PCDHGA4: variants seen among roughly 807,000 people sequenced by gnomAD.
The protein encoded by PCDHGA4 is protocadherin gamma subfamily A, 4, also known as protocadherin gamma-A4.
A neutral mutation model predicts 54.6 loss-of-function variants in PCDHGA4; 38 were observed. The observed-to-expected ratio is 0.70, with a 90% CI of 0.54 to 0.91. The LOEUF is 0.91. Ranked by LOEUF, PCDHGA4 falls within the 40% of genes least tolerant of loss-of-function variation. The pLI is 0.00. For missense variants in PCDHGA4, 1,298 were observed against 1,220.9 expected, an observed-to-expected ratio of 1.06 and a Z score of -0.94; for synonymous variants, 511 against 512.9, an observed-to-expected ratio of 1.00 and a Z score of 0.05.
At chr5:141,410,348 C>T (rs761119683) in intron 1 of PCDHGA4, 3 of 1,614,034 alleles carry the variant, frequency 1.9e-6, no homozygotes, top group East Asian at 2.2e-5. Context: ...CTTGCGCCTG[C>T]GACGCTCTCT....
At position 141,399,943 on chromosome 5, in the gene PCDHGA4, C is replaced by A. The variant is rs1334013330; in HGVS notation, c.2514+42322C>A. On this transcript the variant is annotated intron_variant, in intron 1 of 3. Coordinates refer to ENST00000571252, the MANE Select transcript of PCDHGA4 (RefSeq NM_018917.4). Reference sequence around the variant, plus strand: ...CGCCTGGCTGTCCTACCACGTGCTGCAGGCTAGCGAGCCCGGGCTCTTCAG... The same window carrying A: ...CGCCTGGCTGTCCTACCACGTGCTGAAGGCTAGCGAGCCCGGGCTCTTCAG... The A allele has an allele frequency of 3.7e-6, 6 of 1,612,294 alleles. 1 individual carries two copies. The Admixed American group carries it at 1.0e-4, about 27-fold the overall frequency.
intron 2 of PCDHGA4, among the ~76,000 whole-genome samples, chr5:141,497,171 C>T (rs991574648): frequency 6.6e-6 from 1 of 151,148 alleles, no homozygotes; most frequent in African/African-American, 2.5e-5. Context: ...CCACAAATCA[C>T]AGTAAGTTCT....
At chr5:141,393,515 T>C in intron 1 of PCDHGA4, 2 of 1,613,990 alleles carry the variant, frequency 1.2e-6, no homozygotes, top group Non-Finnish European at 1.7e-6. Context: ...CAGTGTTGGA[T>C]ACAAATGACA....
In PCDHGA4 at chr5:141,355,525, C is replaced by T. The variant is rs372880202; in HGVS notation, c.418C>T (p.Leu140Phe). The change falls in exon 1 of 4, where the codon CTT becomes TTT. Residue 140 changes from leucine (L) to phenylalanine (F), a missense_variant. Physicochemically the swap from Leu to Phe is conservative, Grantham distance 22. Transcript: ENST00000571252. ...AAACTGTGTGACAAACCTGGAGATT[C>T]TTCTAGAAGATACAGTGAAGATTTT... ...SPNCVTNLEI[L>F]LEDTVKILRV... 1 of 1,614,028 alleles carries T rather than the reference C, an allele frequency of 6.2e-7. No individual in the cohort carries two copies. Among genetic ancestry groups the T allele is most frequent in the Non-Finnish European group, 8.5e-7 (1 of 1,179,900 alleles).
intron 1 of PCDHGA4, chr5:141,391,283 A>G (rs2092334879): frequency 6.6e-6 from 1 of 152,120 alleles, no homozygotes; most frequent in African/African-American, 2.4e-5. Context: ...CAAATTGCTG[A>G]AAGAAGGAAA....
Position 141,356,162 on chromosome 5 carries a change from C to G in PCDHGA4, c.1055C>G (p.Ala352Gly). ...DSGFYDIDVEAHDGPGLRARS... is the reference protein window; with the variant it reads ...DSGFYDIDVEGHDGPGLRARS... The stretch of plus-strand genomic sequence containing the variant: ...GGATTCTATGACATAGATGTAGAAG[C>G]CCATGATGGGCCTGGTCTCCGAGCT... Residue 352 changes from alanine (A) to glycine (G), a missense_variant, in exon 1 of 4, where the codon GCC becomes GGC. By Grantham distance (60) the Ala-to-Gly change is moderately conservative. Coordinates refer to ENST00000571252, the MANE Select transcript of PCDHGA4 (RefSeq NM_018917.4). 6.2e-7 allele frequency: 1 copy of G among 1,613,176 alleles called. No homozygotes were observed. The highest frequency in any genetic ancestry group is 8.5e-7 in the Non-Finnish European group (1 of 1,179,498).
At chr5:141,427,092 G>T in intron 1 of PCDHGA4, 1 of 458,134 alleles carries the variant, frequency 2.2e-6, no homozygotes, top group Non-Finnish European at 4.4e-6. Flanking sequence ...CCAGGATGAG[G>T]GTGTCAATGC....
Position 141,491,324 on chromosome 5 carries a change from T to C in PCDHGA4, c.2515-3483T>C, listed in dbSNP as rs762200164. 16 of 1,614,060 alleles carry C rather than the reference T, an allele frequency of 9.9e-6. No homozygotes were observed. The highest frequency in any genetic ancestry group is 8.3e-5 in the Admixed American group (5 of 60,010). On this transcript the variant is annotated intron_variant, in intron 1 of 3. Transcript: ENST00000571252. This position sits in a 1 kb window ranked among gnomAD's most constrained non-coding sequence, Gnocchi z 6.9. ...CGTTCAGACCTTACCCTTTACCTCA[T>C]TGTGGCTCTAGCGACCGTCAGTCTC...
chr5:141,385,037 C>T, intron 1 of PCDHGA4: 1 of 1,614,148 alleles, frequency 6.2e-7, no homozygotes, highest in Non-Finnish European at 8.5e-7. Context: ...GTACTGCTGG[C>T]GCTCAGGCTG....
intron 2 of PCDHGA4, among the ~76,000 whole-genome samples, chr5:141,497,293 C>T (rs1270907262): frequency 6.6e-6 from 1 of 152,136 alleles, no homozygotes. Flanking sequence ...TACCTACCAC[C>T]ACCCCAGGCC....
In PCDHGA4 at chr5:141,432,272, G is replaced by A. The variant is rs772255343; in HGVS notation, c.2515-62535G>A. On this transcript the variant is annotated intron_variant, in intron 1 of 3. Transcript: ENST00000571252. The surrounding 1 kb of genome is among the most constrained non-coding windows in gnomAD (Gnocchi z 6.0). ...CCAAGGGGCAAGCCTATCGTCCTAC[G>A]TGTCCATCAACTCCGACACTGGGGT... 1 of 1,614,210 alleles carries A rather than the reference G, an allele frequency of 6.2e-7. No individual in the cohort carries two copies. Among genetic ancestry groups the A allele is most frequent in the South Asian group, 1.1e-5 (1 of 91,086 alleles).
rs1212478322 is a variant in PCDHGA4 at position 141,485,871 on chromosome 5, T to G, written c.2515-8936T>G. ...ACCGCAGAGCTCCGGGTATCCGTGC[T>G]GGACGTAAACGACAACGCCCCAGCC... On this transcript the variant is annotated intron_variant, in intron 1 of 3. Coordinates refer to ENST00000571252, the MANE Select transcript of PCDHGA4 (RefSeq NM_018917.4). The surrounding 1 kb of genome is among the most constrained non-coding windows in gnomAD (Gnocchi z 5.7). 6.2e-7 allele frequency: 1 copy of G among 1,614,196 alleles called. No homozygotes were observed. The highest frequency in any genetic ancestry group is 8.5e-7 in the Non-Finnish European group (1 of 1,180,032).
intron 1 of PCDHGA4, chr5:141,389,844 G>C: frequency 6.2e-7 from 1 of 1,614,014 alleles, no homozygotes; most frequent in Non-Finnish European, 8.5e-7. Flanking sequence ...ACCACTCTCG[G>C]CCACTGCCAC....
chr5:141,450,977 A>G (rs2098702822), intron 1 of PCDHGA4, among the ~76,000 whole-genome samples: 1 of 151,760 alleles, frequency 6.6e-6, no homozygotes, highest in African/African-American at 2.4e-5. Context: ...GGCATGTGCC[A>G]CCACACCCGG....
intron 1 of PCDHGA4, among the ~76,000 whole-genome samples, chr5:141,445,077 T>C (rs778919022): frequency 5.9e-5 from 9 of 152,242 alleles, no homozygotes; most frequent in Non-Finnish European, 1.2e-4. Flanking sequence ...CTCATTAAAT[T>C]GTCCCTACAT....
chr5:141,403,196 G>C lies in PCDHGA4; in HGVS notation c.2514+45575G>C, dbSNP rs762413220. 13 of 1,613,868 alleles carry C rather than the reference G, an allele frequency of 8.1e-6. No individual in the cohort carries two copies. The highest frequency in any genetic ancestry group is 1.6e-4 in the Middle Eastern group (1 of 6,078). On this transcript the variant is annotated intron_variant, in intron 1 of 3. Transcript: ENST00000571252. ...GCTTTTCTCTCTGAACCCGCGCAGC[G>C]GCACCTTGGTCACCGCGGGTAGGAT...
chr5:141,507,872 C>T (rs2099864458), intron 3 of PCDHGA4, among the ~76,000 whole-genome samples: 1 of 152,168 alleles, frequency 6.6e-6, no homozygotes, highest in African/African-American at 2.4e-5. Flanking sequence ...GCTTCCTAGC[C>T]CTGAAACCAG....
chr5:141,359,404 A>T (rs979392497), intron 1 of PCDHGA4, among the ~76,000 whole-genome samples: 3 of 152,032 alleles, frequency 2.0e-5, no homozygotes, highest in East Asian at 3.8e-4. Context: ...CAAATTTTTT[A>T]AAAAATGTGT....
Position 141,412,258 on chromosome 5 carries a change from C to T in PCDHGA4, c.2514+54637C>T, listed in dbSNP as rs569698099. 5.8e-4 allele frequency: 88 copies of T among 152,314 alleles called. 1 individual carries two copies. The highest frequency in any genetic ancestry group is 2.0e-3 in the African/African-American group (83 of 41,568). 9.4% of individuals were successfully genotyped at this position (152,314 alleles called of 1,614,324 possible). On this transcript the variant is annotated intron_variant, in intron 1 of 3. Transcript: ENST00000571252. Reference sequence around the variant, plus strand: ...ATATCACTACATCTAACTTTGTTTTCTAAAACTTTTAGTACTTCAAATTCT... The same window carrying T: ...ATATCACTACATCTAACTTTGTTTTTTAAAACTTTTAGTACTTCAAATTCT...
Sources: gnomAD v4.1 joint callset for allele counts (sites outside exome capture counted in the v4.1 genomes callset) on GRCh38, gnomAD v4.1.1 for gene constraint, Gnocchi (gnomAD v3.1) non-coding constraint, MANE v1.5 for transcripts, NCBI Gene and HGNC (gene_info 2026-07-23, HGNC 2026-07-21) for gene names.